The following MIPEP variants were observed in gnomAD, a reference collection of about 807,000 sequenced individuals.
MIPEP encodes the protein mitochondrial intermediate peptidase.
A neutral mutation model predicts 90.3 loss-of-function variants in MIPEP; 79 were observed. The observed-to-expected ratio is 0.87, with a 90% confidence interval of 0.73 to 1.05. The LOEUF (loss-of-function observed/expected upper bound fraction) is 1.05, where lower values mean the gene tolerates loss of function less well. MIPEP is among the 50% of genes least tolerant of loss of function. The pLI is 0.00. For synonymous variants in MIPEP, 334 were observed against 315.8 expected, an observed-to-expected ratio of 1.06 and a Z score of -0.61; for missense variants, 940 against 905.6, an observed-to-expected ratio of 1.04 and a Z score of -0.49.
intron 18 of MIPEP, among the ~76,000 whole-genome samples, chr13:23,747,757 T>C (rs1182753336): frequency 6.6e-6 from 1 of 152,232 alleles, no homozygotes. Context: ...GTTGTTGTTG[T>C]TGAGACGGGG....
At chr13:23,876,037 A>G (rs1435263601) in intron 4 of MIPEP, among the ~76,000 whole-genome samples, 1 of 152,196 alleles carries the variant, frequency 6.6e-6, no homozygotes, top group Non-Finnish European at 1.5e-5. Flanking sequence ...ACCACAATAT[A>G]ATAAAAATCC....
At chr13:23,747,588 C>T (rs1243057842) in intron 18 of MIPEP, 1 of 506,506 alleles carries the variant, frequency 2.0e-6, no homozygotes, top group African/African-American at 1.9e-5. Flanking sequence ...AGTGTGGAGA[C>T]AGCACAATGG....
chr13:23,781,242 T>A (rs1952779419), intron 16 of MIPEP, among the ~76,000 whole-genome samples: 1 of 152,172 alleles, frequency 6.6e-6, no homozygotes, highest in Admixed American at 6.5e-5. Flanking sequence ...CCCATCAGAC[T>A]AACAGCAAAT....
chr13:23,788,094 G>A (rs1952866766), intron 16 of MIPEP, among the ~76,000 whole-genome samples: 1 of 152,104 alleles, frequency 6.6e-6, no homozygotes, highest in Admixed American at 6.5e-5. Flanking sequence ...AGAAAAAATG[G>A]AATACTGTGA....
chr13:23,846,826 A>AATG (rs10549277), intron 10 of MIPEP, among the ~76,000 whole-genome samples: 5 of 144,590 alleles, frequency 3.5e-5, no homozygotes, highest in East Asian at 2.0e-4. Context: ...ATCACTACCA[A>AATG]ATGATGATGA....
rs1338050912 is a variant in MIPEP at position 23,837,881 on chromosome 13, T to G, written c.1339-125A>C. On this transcript the variant is annotated intron_variant, in intron 12 of 18. Transcript: ENST00000382172. ...TGCAAACTTTAACTTAATTATATTC[T>G]TATTCTATCTATTTACATATATACA... is the stretch of plus-strand genomic sequence containing the variant. 3 of 655,894 alleles carry G rather than the reference T, an allele frequency of 4.6e-6. No individual in the cohort carries two copies. In the African/African-American group the frequency reaches 5.5e-5, roughly 12 times the overall value. 40.6% of individuals were successfully genotyped at this position (655,894 alleles called of 1,614,324 possible).
In MIPEP at chr13:23,869,426, A is replaced by G; in HGVS notation, c.809T>C (p.Ile270Thr). 1 of 1,603,954 alleles carries G rather than the reference A, an allele frequency of 6.2e-7. No homozygotes were observed. The highest frequency in any genetic ancestry group is 2.2e-5 in the East Asian group (1 of 44,758). The change falls in exon 7 of 19, where the codon ATT becomes ACT. Residue 270 changes from isoleucine to threonine, a missense_variant. By Grantham distance (89) the Ile-to-Thr change is moderately conservative. Coordinates refer to ENST00000382172, the MANE Select transcript of MIPEP (RefSeq NM_005932.4). Reference protein sequence around the residue: ...DDLVREAAYKIFLYPNAGQLK... With the variant: ...DDLVREAAYKTFLYPNAGQLK... ...TTGACCAGCATTGGGATAAAGAAAA[A>G]TTTTATAAGCAGCTTCTCGCACCTA...
At chr13:23,784,777 C>T (rs1426171679) in intron 16 of MIPEP, among the ~76,000 whole-genome samples, 1 of 152,108 alleles carries the variant, frequency 6.6e-6, no homozygotes, top group Admixed American at 6.5e-5. Flanking sequence ...ACAAAGAACT[C>T]AAACAAATTT....
At chr13:23,848,438 T>C (rs958318680) in intron 10 of MIPEP, among the ~76,000 whole-genome samples, 3 of 152,190 alleles carry the variant, frequency 2.0e-5, no homozygotes, top group African/African-American at 7.2e-5. Context: ...TCACCTGCCA[T>C]GTGCCTGCAT....
At chr13:23,755,278 C>G (rs1190354651) in intron 18 of MIPEP, among the ~76,000 whole-genome samples, 1 of 152,238 alleles carries the variant, frequency 6.6e-6, no homozygotes, top group Non-Finnish European at 1.5e-5. Context: ...ACCTCTGGCA[C>G]ATGGAATCAT....
intron 3 of MIPEP, among the ~76,000 whole-genome samples, chr13:23,880,175 T>C (rs1329727909): frequency 1.3e-5 from 2 of 152,114 alleles, no homozygotes; most frequent in South Asian, 4.1e-4. Context: ...AAGATTTATA[T>C]GAATCGAAGG....
intron 16 of MIPEP, among the ~76,000 whole-genome samples, chr13:23,797,049 A>G (rs1952970514): frequency 6.6e-6 from 1 of 152,236 alleles, no homozygotes; most frequent in Admixed American, 6.5e-5. Flanking sequence ...TGTTGTGATT[A>G]TAGCAGTAGA....
At chr13:23,844,219 G>A (rs1464544805) in intron 10 of MIPEP, among the ~76,000 whole-genome samples, 1 of 152,100 alleles carries the variant, frequency 6.6e-6, no homozygotes. Flanking sequence ...CCAGAGGGAG[G>A]GGTGGGAAGG....
At position 23,827,878 on chromosome 13, in the gene MIPEP, C is replaced by A. The variant is rs150476723; in HGVS notation, c.1653+8362G>T. On this transcript the variant is annotated intron_variant, in intron 14 of 18. Transcript: ENST00000382172. Reference sequence around the variant, plus strand: ...CCCAGGAGGTGGAAGTTGCAGTGAGCAGAGACTGCACCACTGCACTCCAGC... The same window carrying A: ...CCCAGGAGGTGGAAGTTGCAGTGAGAAGAGACTGCACCACTGCACTCCAGC... Among the ~76,000 whole-genome samples, 1,313 of 152,250 alleles carry A rather than the reference C, an allele frequency of 8.6e-3. 12 individuals carry two copies. Among genetic ancestry groups the A allele is most frequent in the Middle Eastern group, 0.017 (5 of 294 alleles).
chr13:23,733,026 C>G (rs1337495207), intron 18 of MIPEP, among the ~76,000 whole-genome samples: 1 of 152,006 alleles, frequency 6.6e-6, no homozygotes, highest in Non-Finnish European at 1.5e-5. Context: ...AAACATAAGG[C>G]CAGATACGGA....
At chr13:23,760,856 T>A (rs192145141) in intron 16 of MIPEP, among the ~76,000 whole-genome samples, 9 of 152,342 alleles carry the variant, frequency 5.9e-5, no homozygotes, top group Admixed American at 3.3e-4. Flanking sequence ...CTGATTATAA[T>A]ACATTTTATT....
At chr13:23,795,827 CAAA>C (rs56358765) in intron 16 of MIPEP, among the ~76,000 whole-genome samples, 1 of 133,592 alleles carries the variant, frequency 7.5e-6, no homozygotes, top group Non-Finnish European at 1.6e-5. Flanking sequence ...TCATCTCTAC[CAAA>C]AAAAAAAAAA....
chr13:23,822,129 G>T (rs776911343), intron 14 of MIPEP, among the ~76,000 whole-genome samples: 3 of 152,192 alleles, frequency 2.0e-5, no homozygotes, highest in African/African-American at 7.2e-5. Flanking sequence ...ATCAAACATC[G>T]TGGGTGGTTT....
chr13:23,841,247 G>T (rs1319147055), intron 11 of MIPEP, 88 bp downstream of exon 11: 3 of 1,256,438 alleles, frequency 2.4e-6, no homozygotes, highest in Admixed American at 5.2e-5. Context: ...TCAGGGCAAA[G>T]TTGATGTAAA....
Sources: allele counts gnomAD v4.1 joint callset (sites outside exome capture counted in the v4.1 genomes callset), GRCh38; gene constraint gnomAD v4.1.1; transcripts MANE v1.5; gene names NCBI Gene and HGNC (gene_info 2026-07-23, HGNC 2026-07-21).